Variants in KIAA1217 observed in about 807,000 individuals in gnomAD.
The protein encoded by KIAA1217 is KIAA1217.
A neutral mutation model predicts 163.9 loss-of-function variants in KIAA1217; 88 were observed. The ratio of observed to expected loss-of-function variants is 0.54; its 90% CI spans 0.45 to 0.64. KIAA1217 has a LOEUF of 0.64. Among genes scored for constraint, KIAA1217 ranks in the 30% least tolerant of loss-of-function variants. The pLI is 0.00. For synonymous variants in KIAA1217, 903 were observed against 923.1 expected, an observed-to-expected ratio of 0.98 and a Z score of 0.39; for missense variants, 2,372 against 2,475.0, an observed-to-expected ratio of 0.96 and a Z score of 0.88.
chr10:24,143,011 G>T (rs766763305), intron 2 of KIAA1217, among the ~76,000 whole-genome samples: 1 of 152,168 alleles, frequency 6.6e-6, no homozygotes, highest in Non-Finnish European at 1.5e-5. Flanking sequence ...GGGCGGAGAG[G>T]ACAAATAGCA....
chr10:24,001,067 T>TAA (rs2131464431), intron 1 of KIAA1217, among the ~76,000 whole-genome samples: 1 of 136,850 alleles, frequency 7.3e-6, no homozygotes, highest in South Asian at 2.3e-4. Context: ...GACTGCAAAG[T>TAA]AAACACACAC....
intron 2 of KIAA1217, among the ~76,000 whole-genome samples, chr10:24,279,969 A>T (rs2077726135): frequency 6.6e-6 from 1 of 152,212 alleles, no homozygotes; most frequent in African/African-American, 2.4e-5. Context: ...GAACTCAGTG[A>T]AGGCTCCTCT....
chr10:23,730,072 T>G (rs1838390698), intron 1 of KIAA1217, among the ~76,000 whole-genome samples: 1 of 152,018 alleles, frequency 6.6e-6, no homozygotes, highest in African/African-American at 2.4e-5. Context: ...TGGCTAACTT[T>G]TTGTATTTTT....
chr10:23,766,905 C>T (rs1247482768), intron 1 of KIAA1217, among the ~76,000 whole-genome samples: 2 of 152,154 alleles, frequency 1.3e-5, no homozygotes, highest in East Asian at 3.9e-4. Context: ...ACATGACATT[C>T]TTATTCTTAC....
At chr10:24,336,507 C>A (rs1438039165) in intron 2 of KIAA1217, among the ~76,000 whole-genome samples, 1 of 152,166 alleles carries the variant, frequency 6.6e-6, no homozygotes, top group East Asian at 1.9e-4. Flanking sequence ...TATGTTAGGT[C>A]TGAAGTGTGG....
At chr10:23,850,094 C>T (rs892739171) in intron 1 of KIAA1217, among the ~76,000 whole-genome samples, 37 of 151,978 alleles carry the variant, frequency 2.4e-4, no homozygotes, top group African/African-American at 6.3e-4. Flanking sequence ...GCCTTTACAA[C>T]GAATGCCTGA....
chr10:23,718,816 A>C (rs1178576579), intron 1 of KIAA1217, among the ~76,000 whole-genome samples: 1 of 150,862 alleles, frequency 6.6e-6, no homozygotes, highest in Non-Finnish European at 1.5e-5. Flanking sequence ...GGGGCCATAC[A>C]ACTTGGAGAG....
chr10:24,381,444 A>G (rs1276271437), intron 3 of KIAA1217, among the ~76,000 whole-genome samples: 1 of 152,226 alleles, frequency 6.6e-6, no homozygotes, highest in Non-Finnish European at 1.5e-5. Flanking sequence ...GCAGAGGATG[A>G]GCAAGCATTA....
chr10:24,117,078 C>T (rs1331184261), intron 2 of KIAA1217, among the ~76,000 whole-genome samples: 2 of 151,580 alleles, frequency 1.3e-5, no homozygotes, highest in African/African-American at 4.8e-5. Context: ...GCTCTTGTTG[C>T]CCAGGCTGGA....
intron 2 of KIAA1217, among the ~76,000 whole-genome samples, chr10:24,170,955 A>T (rs2065600959): frequency 1.3e-5 from 2 of 152,208 alleles, no homozygotes; most frequent in Non-Finnish European, 2.9e-5. Flanking sequence ...TCTGCTCAAT[A>T]ATGCTGAGTA....
intron 2 of KIAA1217, among the ~76,000 whole-genome samples, chr10:24,332,687 T>C (rs1157980744): frequency 6.6e-6 from 1 of 152,226 alleles, no homozygotes; most frequent in Non-Finnish European, 1.5e-5. Context: ...TACTTTTTGC[T>C]GTACAGCTCT....
At chr10:24,193,846 A>ACACACAC (rs1491533178) in intron 2 of KIAA1217, among the ~76,000 whole-genome samples, 1 of 136,086 alleles carries the variant, frequency 7.3e-6, no homozygotes, top group Non-Finnish European at 1.6e-5. Flanking sequence ...ACACACACAC[A>ACACACAC]AAGCAGTCAC....
intron 1 of KIAA1217, among the ~76,000 whole-genome samples, chr10:23,968,007 T>C (rs1386813365): frequency 1.3e-5 from 2 of 151,746 alleles, no homozygotes; most frequent in African/African-American, 4.8e-5. Flanking sequence ...GCAGGTTTGT[T>C]ACATAGGTAT....
intron 2 of KIAA1217, among the ~76,000 whole-genome samples, chr10:24,315,840 A>T (rs1482599111): frequency 6.6e-6 from 1 of 150,992 alleles, no homozygotes; most frequent in Admixed American, 6.6e-5. Context: ...GTATCAGTTT[A>T]TACTTCCTAC....
intron 2 of KIAA1217, among the ~76,000 whole-genome samples, chr10:24,149,696 CAGAAGAGAAGTTAT>C (rs1416013140): frequency 1.3e-5 from 2 of 151,868 alleles, no homozygotes; most frequent in African/African-American, 4.8e-5. Flanking sequence ...CTCAATAGTA[CAGAAGAGAAGTTAT>C]AGCAAATAAT....
intron 6 of KIAA1217, chr10:24,481,093 C>T (rs2064624328): frequency 6.6e-6 from 1 of 152,122 alleles, no homozygotes; most frequent in South Asian, 2.1e-4. Flanking sequence ...ATTGCTTTTT[C>T]ATGTAGCTGT....
rs147260530 is a variant in KIAA1217 at position 24,440,901 on chromosome 10, G to A, written c.846+2422G>A. ...TGGTTCCTGTTCACAGATTGCAGAC[G>A]CTAAAAGGCATGGAATTCAGCTGCC... On this transcript the variant is annotated intron_variant, in intron 5 of 20. Transcript: ENST00000376454. Among the ~76,000 whole-genome samples, 183 of 152,354 alleles carry A rather than the reference G, an allele frequency of 1.2e-3. 1 individual carries two copies. The highest frequency in any genetic ancestry group is 1.9e-3 in the Admixed American group (29 of 15,304).
intron 2 of KIAA1217, among the ~76,000 whole-genome samples, chr10:24,325,076 A>G (rs1157890719): frequency 6.6e-6 from 1 of 152,178 alleles, no homozygotes; most frequent in Non-Finnish European, 1.5e-5. Flanking sequence ...AGAAACTCTC[A>G]CTTCTACTTC....
chr10:24,442,619 T>C (rs958895811), intron 5 of KIAA1217, among the ~76,000 whole-genome samples: 3 of 152,286 alleles, frequency 2.0e-5, no homozygotes, highest in South Asian at 4.1e-4. Context: ...GATTACCTTT[T>C]GAAGAATGGA....
Sources: gnomAD v4.1 joint callset for allele counts (sites outside exome capture counted in the v4.1 genomes callset) on GRCh38, gnomAD v4.1.1 for gene constraint, MANE v1.5 for transcripts, NCBI Gene and HGNC (gene_info 2026-07-23, HGNC 2026-07-21) for gene names.